ADARB2: variants seen among roughly 807,000 people sequenced by gnomAD.
ADARB2 encodes the protein inactive double-stranded RNA-specific editase B2.
A neutral mutation model predicts 62.2 loss-of-function variants in ADARB2; 25 were observed. The observed-to-expected ratio is 0.40, with a 90% CI of 0.29 to 0.56. The LOEUF (loss-of-function observed/expected upper bound fraction) is 0.56. ADARB2 is among the 20% of genes least tolerant of loss of function. The probability of loss-of-function intolerance (pLI) is 0.43; values close to 1 mark genes in which losing one functional copy is unlikely to be tolerated. For synonymous variants in ADARB2, 572 were observed against 500.8 expected, an observed-to-expected ratio of 1.14 and a Z score of -1.90; for missense variants, 1,071 against 1,077.4, an observed-to-expected ratio of 0.99 and a Z score of 0.08.
At chr10:1,545,390 G>A (rs898044977) in intron 1 of ADARB2, among the ~76,000 whole-genome samples, 2 of 152,200 alleles carry the variant, frequency 1.3e-5, no homozygotes, top group Non-Finnish European at 2.9e-5. Flanking sequence ...GGGGATGTTT[G>A]TAACAGTAAA....
intron 1 of ADARB2, among the ~76,000 whole-genome samples, chr10:1,482,119 A>C (rs144734372): frequency 3.3e-5 from 5 of 152,354 alleles, no homozygotes; most frequent in Non-Finnish European, 5.9e-5. Flanking sequence ...AATGTGGAGA[A>C]ACTGAAACTT....
chr10:1,329,898 C>T (rs906985569), intron 3 of ADARB2, among the ~76,000 whole-genome samples: 1 of 145,884 alleles, frequency 6.9e-6, no homozygotes. Flanking sequence ...ATCAGGGCCT[C>T]AGAACTACTA....
At chr10:1,610,727 T>C (rs1158509832) in intron 1 of ADARB2, among the ~76,000 whole-genome samples, 1 of 150,894 alleles carries the variant, frequency 6.6e-6, no homozygotes, top group African/African-American at 2.4e-5. Flanking sequence ...TAAGCAGGAC[T>C]GTTCATGGAG....
At chr10:1,433,267 G>C (rs1830795563) in intron 1 of ADARB2, among the ~76,000 whole-genome samples, 1 of 152,138 alleles carries the variant, frequency 6.6e-6, no homozygotes, top group African/African-American at 2.4e-5. Flanking sequence ...GGGGTCTCTC[G>C]TGTGTGCCCA....
intron 1 of ADARB2, among the ~76,000 whole-genome samples, chr10:1,629,175 G>A (rs1024351125): frequency 6.6e-6 from 1 of 152,144 alleles, no homozygotes; most frequent in African/African-American, 2.4e-5. Flanking sequence ...TGAGAGGTTT[G>A]TGGTTACTTG....
intron 1 of ADARB2, among the ~76,000 whole-genome samples, chr10:1,638,648 T>A (rs1039536415): frequency 1.3e-5 from 2 of 152,208 alleles, no homozygotes; most frequent in African/African-American, 4.8e-5. Context: ...ATGAGGCAGA[T>A]AATTTTATCA....
At chr10:1,659,594 C>G (rs10751812) in intron 1 of ADARB2, among the ~76,000 whole-genome samples, 1 of 152,068 alleles carries the variant, frequency 6.6e-6, no homozygotes, top group African/African-American at 2.4e-5. Context: ...TGGAATACAA[C>G]GCCTTTGTCT....
chr10:1,270,980 C>T lies in ADARB2; in HGVS notation c.1167G>A (p.Ala389=), dbSNP rs184821602. Residue 389 remains alanine (A), a synonymous_variant, in exon 4 of 10, where the codon GCG becomes GCA. Transcript: ENST00000381312. ...DLTPMHARHK[A]LAGIVMTKGL... is the part of the protein sequence containing the mutation. ...CTTTGGTCATGACGATTCCTGCCAG[C>T]GCTTTATGGCGGGCGTGCATGGGCG... 122 of 1,614,170 alleles carry T rather than the reference C, an allele frequency of 7.6e-5. No individual in the cohort carries two copies. In the East Asian group the frequency reaches 1.4e-3, roughly 18 times the overall value.
rs996807195 is a variant in ADARB2 at position 1,184,750 on chromosome 10, G to A, written c.2043+111C>T. The A allele has an allele frequency of 4.9e-6, 6 of 1,235,678 alleles. No homozygotes were observed. In the African/African-American group the frequency reaches 6.0e-5, roughly 12 times the overall value. 76.5% of individuals were successfully genotyped at this position (1,235,678 alleles called of 1,614,324 possible). ...AAGGACATGTGATGGGCGCTGTGTC[G>A]TGCATCTCCCTCCCTGCAGACCAAG... On this transcript the variant is annotated intron_variant, in intron 9 of 9. Transcript: ENST00000381312.
chr10:1,667,991 A>T (rs1395486956), intron 1 of ADARB2, among the ~76,000 whole-genome samples: 1 of 152,194 alleles, frequency 6.6e-6, no homozygotes, highest in East Asian at 1.9e-4. Flanking sequence ...TCTGACAAGG[A>T]CACCCTCCTT....
chr10:1,381,404 A>G (rs1387396324), intron 1 of ADARB2, among the ~76,000 whole-genome samples: 1 of 152,282 alleles, frequency 6.6e-6, no homozygotes, highest in Admixed American at 6.5e-5. Context: ...AAAACAAAGC[A>G]AAGCCAGAAG....
chr10:1,602,744 A>AAC (rs765367241), intron 1 of ADARB2, among the ~76,000 whole-genome samples: 6 of 147,420 alleles, frequency 4.1e-5, no homozygotes, highest in Admixed American at 6.8e-5. Flanking sequence ...ACAGACACAC[A>AAC]ACACACACAC....
At chr10:1,733,681 C>T (rs574665713) in intron 1 of ADARB2, among the ~76,000 whole-genome samples, 4 of 152,030 alleles carry the variant, frequency 2.6e-5, no homozygotes. Flanking sequence ...AAAGTGTATC[C>T]TTTTTTAATA....
intron 1 of ADARB2, among the ~76,000 whole-genome samples, chr10:1,453,560 G>A (rs971560161): frequency 2.6e-5 from 4 of 152,074 alleles, no homozygotes; most frequent in African/African-American, 9.7e-5. Flanking sequence ...TTTCGAAAAG[G>A]CAACCCACAG....
chr10:1,515,861 A>G (rs905019945), intron 1 of ADARB2, among the ~76,000 whole-genome samples: 8 of 152,194 alleles, frequency 5.3e-5, no homozygotes, highest in African/African-American at 1.9e-4. Context: ...TGATTCTTTG[A>G]TTCTTCTTTG....
At chr10:1,472,571 G>T (rs1360623182) in intron 1 of ADARB2, among the ~76,000 whole-genome samples, 4 of 152,242 alleles carry the variant, frequency 2.6e-5, no homozygotes, top group African/African-American at 9.6e-5. Flanking sequence ...AGTTAGAGGA[G>T]AGAAATGTCA....
chr10:1,334,505 T>A (rs935197784), intron 3 of ADARB2, among the ~76,000 whole-genome samples: 3 of 152,236 alleles, frequency 2.0e-5, no homozygotes, highest in Non-Finnish European at 4.4e-5. Context: ...TATAGTGTAT[T>A]GCATGTTTAT....
intron 1 of ADARB2, chr10:1,394,910 C>A: frequency 2.2e-6 from 1 of 456,602 alleles, no homozygotes. Context: ...CCTCCTCCTC[C>A]TTCTTCTTCC....
chr10:1,282,204 C>G (rs1831376851), intron 3 of ADARB2, among the ~76,000 whole-genome samples: 1 of 152,190 alleles, frequency 6.6e-6, no homozygotes. Flanking sequence ...CCTCCCTGTC[C>G]TTTCGAGACC....
Sources: gnomAD v4.1 joint callset for allele counts (sites outside exome capture counted in the v4.1 genomes callset) on GRCh38, gnomAD v4.1.1 for gene constraint, MANE v1.5 for transcripts, NCBI Gene and HGNC (gene_info 2026-07-23, HGNC 2026-07-21) for gene names.